MTUS2: variants seen among roughly 807,000 people sequenced by gnomAD.
MTUS2 encodes microtubule associated scaffold protein 2.
Under a neutral mutation model 114.1 loss-of-function variants are expected in MTUS2, and 40 were observed. That is an observed-to-expected ratio of 0.35 (90% CI 0.27 to 0.46). The LOEUF is 0.46. Among genes scored for constraint, MTUS2 ranks in the 20% least tolerant of loss-of-function variants. The pLI is 1.00. For synonymous variants in MTUS2, 688 were observed against 672.0 expected, an observed-to-expected ratio of 1.02 and a Z score of -0.37; for missense variants, 1,679 against 1,705.4, an observed-to-expected ratio of 0.98 and a Z score of 0.27.
intron 2 of MTUS2, among the ~76,000 whole-genome samples, chr13:28,854,758 C>T (rs1409172387): frequency 1.3e-5 from 2 of 152,134 alleles, no homozygotes; most frequent in African/African-American, 4.8e-5. Flanking sequence ...TTCAGTCTAG[C>T]CAGTAGAATC....
At chr13:28,954,157 A>AT (rs1882951313) in intron 2 of MTUS2, among the ~76,000 whole-genome samples, 1 of 152,198 alleles carries the variant, frequency 6.6e-6, no homozygotes, top group South Asian at 2.1e-4. Flanking sequence ...GAGTGTGTTC[A>AT]TTTTTATCAA....
intron 12 of MTUS2, among the ~76,000 whole-genome samples, chr13:29,494,248 T>C (rs1318607303): frequency 6.6e-6 from 1 of 152,246 alleles, no homozygotes; most frequent in Non-Finnish European, 1.5e-5. Flanking sequence ...TTGTAACTAT[T>C]GTAATAATAA....
At chr13:28,910,540 C>A (rs976296608) in intron 2 of MTUS2, among the ~76,000 whole-genome samples, 1 of 151,966 alleles carries the variant, frequency 6.6e-6, no homozygotes, top group Non-Finnish European at 1.5e-5. Flanking sequence ...TGCTCTTCCT[C>A]CCCCCAGCCC....
rs546288162 is a variant in MTUS2, at chr13:29,053,446, C to T, written c.2446+19321C>T. ...CTGGAAGGCCCAGTTCACAGTGTCC[C>T]CTTGGGCAAATAGGAAGGTTCCAGT... On this transcript the variant is annotated intron_variant, in intron 4 of 15. Coordinates refer to ENST00000612955, the MANE Select transcript of MTUS2 (RefSeq NM_001033602.4). Among the ~76,000 whole-genome samples the T allele has an allele frequency of 5.9e-5, 9 of 152,212 alleles. 1 individual carries two copies. The South Asian group carries it at 1.5e-3, about 25-fold the overall frequency.
chr13:29,246,885 T>C (rs1448340949), intron 5 of MTUS2, among the ~76,000 whole-genome samples: 2 of 130,424 alleles, frequency 1.5e-5, no homozygotes, highest in Non-Finnish European at 3.3e-5. Flanking sequence ...ACCATCTTTC[T>C]TCACATAACT....
At chr13:28,955,493 G>T (rs1303589419) in intron 2 of MTUS2, among the ~76,000 whole-genome samples, 1 of 151,968 alleles carries the variant, frequency 6.6e-6, no homozygotes, top group African/African-American at 2.4e-5. Context: ...TAATGATGCC[G>T]CCATAAAAGG....
At chr13:28,934,031 C>T (rs552409971) in intron 2 of MTUS2, among the ~76,000 whole-genome samples, 2 of 152,276 alleles carry the variant, frequency 1.3e-5, no homozygotes, top group African/African-American at 4.8e-5. Context: ...TTTATATGTG[C>T]ACATTTTATA....
At chr13:29,167,314 GC>G (rs1893357091) in intron 5 of MTUS2, among the ~76,000 whole-genome samples, 1 of 151,740 alleles carries the variant, frequency 6.6e-6, no homozygotes, top group South Asian at 2.1e-4. Flanking sequence ...GGTGGAGCTT[GC>G]AGTGAGCCGA....
At chr13:29,258,414 A>G (rs1184583624) in intron 5 of MTUS2, among the ~76,000 whole-genome samples, 1 of 152,190 alleles carries the variant, frequency 6.6e-6, no homozygotes, top group Non-Finnish European at 1.5e-5. Context: ...TCAAGGACTC[A>G]TGTGCTTAGG....
At chr13:29,110,262 T>C (rs1389470714) in intron 5 of MTUS2, among the ~76,000 whole-genome samples, 1 of 152,228 alleles carries the variant, frequency 6.6e-6, no homozygotes, top group Non-Finnish European at 1.5e-5. Flanking sequence ...TTTCTGTGCC[T>C]TTTCAATATC....
intron 5 of MTUS2, among the ~76,000 whole-genome samples, chr13:29,150,712 T>G (rs9506116): frequency 6.6e-6 from 1 of 152,020 alleles, no homozygotes; most frequent in Non-Finnish European, 1.5e-5. Context: ...GTTAATGTTT[T>G]TATATACTGA....
At chr13:29,316,648 C>T (rs1900002556) in intron 6 of MTUS2, among the ~76,000 whole-genome samples, 1 of 152,178 alleles carries the variant, frequency 6.6e-6, no homozygotes, top group Admixed American at 6.5e-5. Flanking sequence ...TCACTGAGGC[C>T]ACTGCAGTGT....
chr13:29,198,046 T>C (rs900352570), intron 5 of MTUS2, among the ~76,000 whole-genome samples: 1 of 152,262 alleles, frequency 6.6e-6, no homozygotes. Context: ...GATAGTTCTT[T>C]CGCTGTGCAG....
intron 4 of MTUS2, among the ~76,000 whole-genome samples, chr13:29,070,567 T>C (rs1257609656): frequency 6.6e-6 from 1 of 152,116 alleles, no homozygotes; most frequent in Non-Finnish European, 1.5e-5. Context: ...CTCTCATCCC[T>C]GGTGTTTTAA....
chr13:29,308,474 C>T (rs1034120576), intron 6 of MTUS2, among the ~76,000 whole-genome samples: 2 of 152,110 alleles, frequency 1.3e-5, no homozygotes, highest in Non-Finnish European at 2.9e-5. Flanking sequence ...CTAGGCAATA[C>T]CATTCAGGAC....
At chr13:29,149,615 A>G (rs1429957536) in intron 5 of MTUS2, among the ~76,000 whole-genome samples, 2 of 152,238 alleles carry the variant, frequency 1.3e-5, no homozygotes, top group Admixed American at 6.5e-5. Flanking sequence ...CCTGAATGGT[A>G]TTGCCTAGAT....
chr13:28,843,365 T>G (rs1875641400), intron 2 of MTUS2, among the ~76,000 whole-genome samples: 1 of 152,206 alleles, frequency 6.6e-6, no homozygotes, highest in Non-Finnish European at 1.5e-5. Context: ...CATCTTATTT[T>G]TCTGCTTTAA....
intron 7 of MTUS2, among the ~76,000 whole-genome samples, chr13:29,344,240 G>A (rs12867683): frequency 0.75 from 110,278 of 147,974 alleles, 44,113 homozygotes; most frequent in East Asian, 0.9. Context: ...AGTGCTGTCA[G>A]TGGGTACTGA....
chr13:28,978,525 G>A (rs2138283979), intron 2 of MTUS2, among the ~76,000 whole-genome samples: 1 of 152,304 alleles, frequency 6.6e-6, no homozygotes, highest in African/African-American at 2.4e-5. Context: ...CTTTCCTTAT[G>A]TAAACTCTTA....
Sources: allele counts gnomAD v4.1 joint callset (sites outside exome capture counted in the v4.1 genomes callset), GRCh38; gene constraint gnomAD v4.1.1; transcripts MANE v1.5; gene names NCBI Gene and HGNC (gene_info 2026-07-23, HGNC 2026-07-21).